Variants in NPR3 observed in about 807,000 individuals in gnomAD.
NPR3 encodes the protein natriuretic peptide receptor 3.
NPR3 carries 34 observed loss-of-function variants against 54.5 expected under a neutral mutation model. That is an observed-to-expected ratio of 0.62 (90% confidence interval 0.47 to 0.83). The LOEUF is 0.83. NPR3 is among the 40% of genes least tolerant of loss of function. The pLI is 0.00. For missense variants in NPR3, 674 were observed against 720.8 expected, an observed-to-expected ratio of 0.94 and a Z score of 0.74; for synonymous variants, 289 against 297.1, an observed-to-expected ratio of 0.97 and a Z score of 0.28.
chr5:32,719,103 G>C (rs1738714130), intron 1 of NPR3, among the ~76,000 whole-genome samples: 1 of 152,160 alleles, frequency 6.6e-6, no homozygotes, highest in Non-Finnish European at 1.5e-5. Flanking sequence ...TGCATCTATT[G>C]AGATAATCAT....
chr5:32,757,043 C>T (rs1740882446), intron 3 of NPR3, among the ~76,000 whole-genome samples: 1 of 152,300 alleles, frequency 6.6e-6, no homozygotes, highest in South Asian at 2.1e-4. Context: ...AGCATGATGC[C>T]TCCAGCTTTG....
At chr5:32,754,694 A>AG (rs1375060240) in intron 3 of NPR3, among the ~76,000 whole-genome samples, 1 of 151,762 alleles carries the variant, frequency 6.6e-6, no homozygotes, top group Non-Finnish European at 1.5e-5. Context: ...GACTGTGGGG[A>AG]GGGGGGTGCA....
intron 1 of NPR3, chr5:32,713,397 G>A (rs1171933076): frequency 1.0e-6 from 1 of 985,380 alleles, no homozygotes; most frequent in Non-Finnish European, 1.2e-6. Context: ...GGGAGCGGGG[G>A]GACGCGGACG....
intron 3 of NPR3, among the ~76,000 whole-genome samples, chr5:32,749,489 T>G (rs1194808629): frequency 6.6e-6 from 1 of 152,194 alleles, no homozygotes; most frequent in East Asian, 1.9e-4. Flanking sequence ...AAGCTCTGTG[T>G]GTATGAGTGG....
At chr5:32,777,476 A>C (rs550649184) in intron 4 of NPR3, among the ~76,000 whole-genome samples, 1 of 152,268 alleles carries the variant, frequency 6.6e-6, no homozygotes, top group East Asian at 1.9e-4. Flanking sequence ...CCTTTAATGC[A>C]CTGGGGTATG....
rs562202080 is a variant in NPR3 at position 32,726,137 on chromosome 5, A to G, written c.892+1317A>G. Among the ~76,000 whole-genome samples, 170 of 152,320 alleles carry G rather than the reference A, an allele frequency of 1.1e-3. 2 individuals are homozygous for G. Among genetic ancestry groups the G allele is most frequent in the African/African-American group, 4.0e-3 (165 of 41,574 alleles). On this transcript the variant is annotated intron_variant, in intron 2 of 7. Transcript: ENST00000265074. ...AGTTGTAGGGGAAGTGTAAGTGTGTATATCACAAATGGCATGTTTATACTG... is the reference window on the plus strand; with the variant it reads ...AGTTGTAGGGGAAGTGTAAGTGTGTGTATCACAAATGGCATGTTTATACTG...
chr5:32,784,722 G>T (rs1476130839), intron 6 of NPR3, 74 bp from the exon 7 acceptor site: 13 of 1,170,926 alleles, frequency 1.1e-5, no homozygotes, highest in Non-Finnish European at 1.7e-5. Flanking sequence ...GGAACTTCTT[G>T]CAATGAATGA....
Position 32,713,085 on chromosome 5 carries a change from T to C in NPR3, c.769+540T>C, listed in dbSNP as rs1235938408. 2.6e-5 allele frequency: 20 copies of C among 769,118 alleles called. 1 individual carries two copies. The Admixed American group carries it at 1.0e-3, about 38-fold the overall frequency. The allele number at this position is 769,118 out of a possible 1,614,324, so 47.6% of individuals were successfully genotyped here. ...ACCCCAGGTTTCTTTTAAAGGCTTG[T>C]TGACTCACTCTTCTCATTCCTTTCA... On this transcript the variant is annotated intron_variant, in intron 1 of 7. Coordinates refer to ENST00000265074, the MANE Select transcript of NPR3 (RefSeq NM_001204375.2).
intron 1 of NPR3, among the ~76,000 whole-genome samples, chr5:32,718,415 A>G (rs909147275): frequency 2.0e-5 from 3 of 152,226 alleles, no homozygotes; most frequent in Non-Finnish European, 1.5e-5. Context: ...CATTGAATCT[A>G]TAAATTACTT....
At chr5:32,697,286 T>C (rs549074479) in intron 1 of NPR3, among the ~76,000 whole-genome samples, 3 of 152,154 alleles carry the variant, frequency 2.0e-5, no homozygotes, top group Non-Finnish European at 4.4e-5. Context: ...TTACACTGAT[T>C]GATTTGCTTA....
chr5:32,699,897 TC>T (rs1010949526), intron 1 of NPR3, among the ~76,000 whole-genome samples: 2 of 152,312 alleles, frequency 1.3e-5, no homozygotes, highest in African/African-American at 4.8e-5. Context: ...ATTGATGAAA[TC>T]CTTAGCTTTT....
chr5:32,783,067 C>T (rs1388020124), intron 6 of NPR3, 39 bp downstream of exon 6: 7 of 1,564,688 alleles, frequency 4.5e-6, no homozygotes, highest in Non-Finnish European at 5.2e-6. Context: ...ATGTCATCAC[C>T]TCTAACCTCA....
intron 2 of NPR3, among the ~76,000 whole-genome samples, chr5:32,730,137 G>A (rs575477952): frequency 6.6e-6 from 1 of 151,884 alleles, no homozygotes; most frequent in East Asian, 1.9e-4. Context: ...TTTATCCCAG[G>A]GATGCAAAGT....
At chr5:32,719,702 C>T (rs1738744522) in intron 1 of NPR3, among the ~76,000 whole-genome samples, 1 of 150,694 alleles carries the variant, frequency 6.6e-6, no homozygotes, top group Non-Finnish European at 1.5e-5. Context: ...TTTCCTATTT[C>T]TAGGTTTCTT....
At chr5:32,760,925 T>C (rs1340910969) in intron 3 of NPR3, among the ~76,000 whole-genome samples, 4 of 152,178 alleles carry the variant, frequency 2.6e-5, no homozygotes, top group Admixed American at 2.6e-4. Context: ...TTGAAAATGC[T>C]TTGTTTCTCC....
Position 32,711,824 on chromosome 5 carries a change from C to T in NPR3, c.48C>T (p.Gly16=), listed in dbSNP as rs1469089363. Residue 16 remains glycine, a synonymous_variant, in exon 1 of 8, where the codon GGC becomes GGT. Coordinates refer to ENST00000265074, the MANE Select transcript of NPR3 (RefSeq NM_001204375.2). ...CTTTCTCCCCGTGCGTACTACTCGG[C>T]TGGGCGTTGCTGGCCGGCGGCACCG... ...VLTFSPCVLL[G]WALLAGGTGG... 1 of 1,458,318 alleles carries T rather than the reference C, an allele frequency of 6.9e-7. No homozygotes were observed. The allele number at this position is 1,458,318 out of a possible 1,614,324, so 90.3% of individuals were successfully genotyped here. A position where few individuals can be genotyped will look rare whatever the true frequency, so the allele number is the denominator to read the frequency against.
chr5:32,716,623 C>G (rs142284070), intron 1 of NPR3: 4 of 265,940 alleles, frequency 1.5e-5, no homozygotes, highest in African/African-American at 2.2e-5. Flanking sequence ...GACCCCATCT[C>G]TTACACAATA....
chr5:32,728,485 C>A (rs1212227409), intron 2 of NPR3, among the ~76,000 whole-genome samples: 8 of 143,206 alleles, frequency 5.6e-5, no homozygotes, highest in Non-Finnish European at 9.1e-5. Context: ...AAAAAAGAGT[C>A]TTTTTCTTGG....
At chr5:32,710,468 G>A (rs940568792), upstream of NPR3, 43 of 481,270 alleles carry the variant, frequency 8.9e-5, no homozygotes, top group Admixed American at 2.3e-4. Context: ...CCATTCCCTC[G>A]CCTTTGGGAG....
Sources: gnomAD v4.1 joint callset for allele counts (sites outside exome capture counted in the v4.1 genomes callset) on GRCh38, gnomAD v4.1.1 for gene constraint, MANE v1.5 for transcripts, NCBI Gene and HGNC (gene_info 2026-07-23, HGNC 2026-07-21) for gene names.